RARB: variants seen among roughly 807,000 people sequenced by gnomAD.
RARB encodes the protein retinoic acid receptor beta.
In RARB, 17 loss-of-function variants were observed where a neutral mutation model predicts 51.9. The ratio of observed to expected loss-of-function variants is 0.33; its 90% CI spans 0.22 to 0.49. The LOEUF is 0.49. RARB is among the 20% of genes least tolerant of loss of function. RARB has a pLI of 0.99. For missense variants in RARB, 369 were observed against 550.8 expected, an observed-to-expected ratio of 0.67 and a Z score of 3.30; for synonymous variants, 215 against 195.4, an observed-to-expected ratio of 1.10 and a Z score of -0.84.
intron 5 of RARB, among the ~76,000 whole-genome samples, chr3:25,361,508 A>C (rs915499649): frequency 5.3e-5 from 8 of 152,140 alleles, no homozygotes; most frequent in Non-Finnish European, 8.8e-5. Flanking sequence ...TTCTCCATCC[A>C]GTTTTTTTTC....
chr3:25,139,130 C>T (rs567099687), intron 4 of RARB, among the ~76,000 whole-genome samples: 1 of 152,218 alleles, frequency 6.6e-6, no homozygotes, highest in South Asian at 2.1e-4. Flanking sequence ...TCCCTCTTTT[C>T]CAACTTCCAT....
chr3:25,035,119 G>C (rs1429238729), intron 2 of RARB, among the ~76,000 whole-genome samples: 1 of 152,084 alleles, frequency 6.6e-6, no homozygotes, highest in Non-Finnish European at 1.5e-5. Context: ...ACTGTTAACT[G>C]CATTTTTTTG....
chr3:25,582,823 TCTC>T (rs1244117394), intron 5 of RARB, among the ~76,000 whole-genome samples: 15 of 152,146 alleles, frequency 9.9e-5, no homozygotes, highest in African/African-American at 3.6e-4. Context: ...TTATTTAACT[TCTC>T]TAAGCCTCTG....
At chr3:24,952,646 C>T (rs938110559) in intron 2 of RARB, among the ~76,000 whole-genome samples, 1 of 152,160 alleles carries the variant, frequency 6.6e-6, no homozygotes, top group Non-Finnish European at 1.5e-5. Flanking sequence ...AGTAAACATT[C>T]ATTAAACCAA....
At chr3:25,301,993 A>G (rs1704052247) in intron 5 of RARB, among the ~76,000 whole-genome samples, 7 of 152,192 alleles carry the variant, frequency 4.6e-5, no homozygotes, top group Admixed American at 4.6e-4. Context: ...TGAGAAACTA[A>G]CAGCAAAACC....
intron 3 of RARB, among the ~76,000 whole-genome samples, chr3:25,559,128 A>G (rs1024257777): frequency 6.6e-6 from 1 of 152,072 alleles, no homozygotes; most frequent in Admixed American, 6.6e-5. Context: ...CCTAAATTCC[A>G]TCATGTAGCC....
At chr3:25,003,521 A>G (rs927204544) in intron 2 of RARB, among the ~76,000 whole-genome samples, 58 of 152,312 alleles carry the variant, frequency 3.8e-4, no homozygotes, top group African/African-American at 1.3e-3. Flanking sequence ...ATCTTATGAC[A>G]GAAATAGTAC....
chr3:25,326,633 T>C (rs983329505), intron 5 of RARB, among the ~76,000 whole-genome samples: 1 of 152,212 alleles, frequency 6.6e-6, no homozygotes, highest in Non-Finnish European at 1.5e-5. Context: ...CTTGGTGGTT[T>C]CATCATTCTT....
At chr3:24,866,852 T>A (rs1264243921) in intron 2 of RARB, among the ~76,000 whole-genome samples, 1 of 151,892 alleles carries the variant, frequency 6.6e-6, no homozygotes, top group Non-Finnish European at 1.5e-5. Context: ...TCCCCAAGGA[T>A]TTGGAAGCTA....
chr3:25,461,424 G>A (rs1346359403), intron 2 of RARB, 83 bp downstream of exon 2: 11 of 1,477,490 alleles, frequency 7.4e-6, no homozygotes, highest in African/African-American at 2.8e-5. Flanking sequence ...CCAAAAATGG[G>A]CTGGATGTGT....
intron 2 of RARB, among the ~76,000 whole-genome samples, chr3:24,937,465 G>A (rs1156452687): frequency 3.3e-5 from 5 of 152,036 alleles, no homozygotes; most frequent in African/African-American, 7.2e-5. Context: ...TCCCAGCAAC[G>A]CTTCCCCACC....
At chr3:24,895,082 G>A (rs6769490) in intron 2 of RARB, among the ~76,000 whole-genome samples, 2,060 of 152,216 alleles carry the variant, frequency 0.014, 51 homozygotes, top group African/African-American at 0.048. Context: ...TGGCATTTAG[G>A]AAAGTAAAGT....
At chr3:25,005,098 T>C (rs1346568216) in intron 2 of RARB, among the ~76,000 whole-genome samples, 1 of 152,160 alleles carries the variant, frequency 6.6e-6, no homozygotes, top group African/African-American at 2.4e-5. Flanking sequence ...ATACCATACA[T>C]ACATATAGAA....
intron 5 of RARB, among the ~76,000 whole-genome samples, chr3:25,257,055 A>G (rs1024235934): frequency 2.0e-5 from 3 of 152,176 alleles, no homozygotes; most frequent in Non-Finnish European, 4.4e-5. Flanking sequence ...ATGTAAGCTC[A>G]TCAATGTAGA....
chr3:25,266,395 T>A (rs2125409110), intron 5 of RARB, among the ~76,000 whole-genome samples: 1 of 152,336 alleles, frequency 6.6e-6, no homozygotes, highest in Admixed American at 6.5e-5. Flanking sequence ...TATTCACACC[T>A]TTTCCCCTTA....
At chr3:25,245,293 G>C (rs1017775602) in intron 5 of RARB, among the ~76,000 whole-genome samples, 1 of 152,086 alleles carries the variant, frequency 6.6e-6, no homozygotes, top group African/African-American at 2.4e-5. Flanking sequence ...GGGGCATTTA[G>C]CCTGTTTACA....
At chr3:25,120,801 CCTCA>C (rs1471848690) in intron 3 of RARB, among the ~76,000 whole-genome samples, 1 of 152,060 alleles carries the variant, frequency 6.6e-6, no homozygotes, top group African/African-American at 2.4e-5. Flanking sequence ...GATCAGGAAT[CCTCA>C]CATCATTGCC....
chr3:25,027,252 A>T (rs1697768204), intron 2 of RARB, among the ~76,000 whole-genome samples: 1 of 152,118 alleles, frequency 6.6e-6, no homozygotes, highest in African/African-American at 2.4e-5. Context: ...GAGAGTTTGG[A>T]AGGGGGAGCG....
At chr3:25,196,595 A>G (rs555485923) in intron 5 of RARB, among the ~76,000 whole-genome samples, 1 of 152,256 alleles carries the variant, frequency 6.6e-6, no homozygotes, top group African/African-American at 2.4e-5. Context: ...CAGTAATAGG[A>G]CGGCTGGGTC....
Sources: gnomAD v4.1 joint callset for allele counts (sites outside exome capture counted in the v4.1 genomes callset) on GRCh38, gnomAD v4.1.1 for gene constraint, MANE v1.5 for transcripts, NCBI Gene and HGNC (gene_info 2026-07-23, HGNC 2026-07-21) for gene names.